The following SDF2 variants were observed in gnomAD, a reference collection of about 807,000 sequenced individuals.
SDF2 encodes the protein stromal cell-derived factor 2.
SDF2 carries 12 observed loss-of-function variants against 20.5 expected under a neutral mutation model. The observed-to-expected ratio is 0.58, with a 90% CI of 0.37 to 0.95. The LOEUF (loss-of-function observed/expected upper bound fraction) is 0.95. SDF2 is among the 40% of genes least tolerant of loss of function. The pLI, the probability that SDF2 is intolerant of heterozygous loss-of-function variation, is 0.01. For synonymous variants in SDF2, 100 were observed against 101.0 expected (o/e 0.99, Z 0.06); for missense variants, 238 against 263.1 (o/e 0.90, Z 0.66).
chr17:28,655,664 C>T, intron 1 of SDF2, 181 bp from the exon 2 acceptor site: 1 of 628,150 alleles, frequency 1.6e-6, no homozygotes. Flanking sequence ...GAAGACCGCC[C>T]TCAGCCATGA....
chr17:28,658,677 A>T (rs1393955340), intron 1 of SDF2, among the ~76,000 whole-genome samples: 1 of 151,976 alleles, frequency 6.6e-6, no homozygotes, highest in African/African-American at 2.4e-5. Context: ...ACACAGTAAC[A>T]ATCTGATCTC....
chr17:28,655,116 G>A (rs2071949005), intron 2 of SDF2, among the ~76,000 whole-genome samples, 171 bp downstream of exon 2: 1 of 152,224 alleles, frequency 6.6e-6, no homozygotes, highest in Non-Finnish European at 1.5e-5. Context: ...GTGACAGAGT[G>A]AGACTGCGTC....
intron 2 of SDF2, among the ~76,000 whole-genome samples, chr17:28,650,100 G>C (rs2071900893): frequency 6.6e-6 from 1 of 152,018 alleles, no homozygotes; most frequent in Non-Finnish European, 1.5e-5. Flanking sequence ...TTACAGGCAT[G>C]TGCCACCATG....
intron 2 of SDF2, among the ~76,000 whole-genome samples, chr17:28,654,131 C>T (rs2071935954): frequency 6.6e-6 from 1 of 151,568 alleles, no homozygotes; most frequent in Admixed American, 6.6e-5. Context: ...GGCAACATGG[C>T]AAAACCCCGT....
chr17:28,657,433 T>C (rs1302026458), intron 1 of SDF2, among the ~76,000 whole-genome samples: 1 of 151,808 alleles, frequency 6.6e-6, no homozygotes, highest in Non-Finnish European at 1.5e-5. Flanking sequence ...GGATCCCTCT[T>C]GTCACTCAGG....
chr17:28,661,929 G>A, upstream of SDF2: 6 of 1,573,910 alleles, frequency 3.8e-6, no homozygotes, highest in East Asian at 2.3e-5. Context: ...GCCCCTCCCC[G>A]GAACCGGAAG....
intron 1 of SDF2, among the ~76,000 whole-genome samples, chr17:28,659,603 C>A (rs533879103): frequency 2.7e-5 from 4 of 146,234 alleles, no homozygotes; most frequent in African/African-American, 1.0e-4. Context: ...ACTTCCCAGA[C>A]GGGGCGGCCA....
intron 2 of SDF2, among the ~76,000 whole-genome samples, chr17:28,654,827 AC>A (rs1461791211): frequency 6.6e-6 from 1 of 151,954 alleles, no homozygotes; most frequent in East Asian, 1.9e-4. Context: ...GTGGTGGCAC[AC>A]GCCTGTAGTC....
At chr17:28,660,875 CT>C (rs928811256) in intron 1 of SDF2, 69 of 164,520 alleles carry the variant, frequency 4.2e-4, no homozygotes, top group South Asian at 2.2e-3. Flanking sequence ...GACCTTCATT[CT>C]TTTTTTTTAA....
At chr17:28,659,718 G>T (rs539027140) in intron 1 of SDF2, among the ~76,000 whole-genome samples, 1 of 150,816 alleles carries the variant, frequency 6.6e-6, no homozygotes, top group African/African-American at 2.4e-5. Flanking sequence ...CTTCCCAGAC[G>T]GGGTGGCGGC....
chr17:28,660,889 TTATC>T (rs2072026019), intron 1 of SDF2: 1 of 163,536 alleles, frequency 6.1e-6, no homozygotes, highest in Non-Finnish European at 1.3e-5. Flanking sequence ...TTTTTTAACT[TTATC>T]TTTTTTTTTC....
At chr17:28,656,697 A>G (rs1351366140) in intron 1 of SDF2, among the ~76,000 whole-genome samples, 2 of 152,250 alleles carry the variant, frequency 1.3e-5, no homozygotes, top group African/African-American at 4.8e-5. Context: ...ATCAAAGGAT[A>G]TCCAAGGCAC....
intron 1 of SDF2, chr17:28,655,902 G>A (rs1207148191): frequency 1.2e-5 from 2 of 170,856 alleles, no homozygotes; most frequent in African/African-American, 2.4e-5. Flanking sequence ...AAAGTGGTTG[G>A]TTGCAGTTGT....
intron 1 of SDF2, among the ~76,000 whole-genome samples, chr17:28,657,429 C>T (rs989420736): frequency 4.6e-5 from 7 of 151,550 alleles, no homozygotes; most frequent in Non-Finnish European, 7.4e-5. Flanking sequence ...TACAGGATCC[C>T]TCTTGTCACT....
chr17:28,650,936 A>T (rs911274756), intron 2 of SDF2, among the ~76,000 whole-genome samples: 1 of 150,630 alleles, frequency 6.6e-6, no homozygotes, highest in African/African-American at 2.4e-5. Context: ...ATACCACCAC[A>T]CCCAGGTAAT....
upstream of SDF2, chr17:28,662,000 A>G (rs970851379): frequency 5.1e-6 from 6 of 1,175,558 alleles, no homozygotes; most frequent in African/African-American, 1.5e-5. Context: ...TTTATGGTTT[A>G]TTTGACTAGA....
intron 1 of SDF2, among the ~76,000 whole-genome samples, chr17:28,660,085 G>A (rs1193790707): frequency 6.6e-6 from 1 of 152,218 alleles, no homozygotes; most frequent in Non-Finnish European, 1.5e-5. Flanking sequence ...CCAAAAATAC[G>A]AAAACCAGTC....
At chr17:28,655,774 C>A in intron 1 of SDF2, 1 of 456,816 alleles carries the variant, frequency 2.2e-6, no homozygotes, top group South Asian at 3.1e-5. Context: ...CTATGTATGT[C>A]AAGCTAGGGG....
chr17:28,650,803 CAAAAAAAAA>C (rs57928087), intron 2 of SDF2, among the ~76,000 whole-genome samples: 2 of 19,074 alleles, frequency 1.0e-4, no homozygotes, highest in African/African-American at 3.8e-4. Context: ...GACTTTGTCT[CAAAAAAAAA>C]AAAAAAAAAA....
Sources: allele counts gnomAD v4.1 joint callset (sites outside exome capture counted in the v4.1 genomes callset), GRCh38; gene constraint gnomAD v4.1.1; transcripts MANE v1.5; gene names NCBI Gene and HGNC (gene_info 2026-07-23, HGNC 2026-07-21).